Variants in LPAR3 observed in about 807,000 individuals in gnomAD.
LPAR3 encodes lysophosphatidic acid receptor 3, also known as LPA receptor 3.
In LPAR3, 7 loss-of-function variants were observed where a neutral mutation model predicts 17.8. That is an observed-to-expected ratio of 0.39 (90% CI 0.22 to 0.74). LPAR3 has a LOEUF of 0.74. LPAR3 is among the 30% of genes least tolerant of loss of function. LPAR3 has a pLI of 0.40. For synonymous variants in LPAR3, 179 were observed against 179.9 expected, an observed-to-expected ratio of 0.99 and a Z score of 0.04; for missense variants, 391 against 453.4, an observed-to-expected ratio of 0.86 and a Z score of 1.25.
chr1:84,886,282 C>T (rs1381143062), intron 1 of LPAR3, among the ~76,000 whole-genome samples: 2 of 152,098 alleles, frequency 1.3e-5, no homozygotes, highest in African/African-American at 4.8e-5. Flanking sequence ...ATCCCAGCAC[C>T]TGGGATGCCA....
chr1:84,891,718 G>A (rs1660555536), intron 1 of LPAR3, among the ~76,000 whole-genome samples: 1 of 152,198 alleles, frequency 6.6e-6, no homozygotes, highest in Non-Finnish European at 1.5e-5. Context: ...AATTTGTAAA[G>A]AGGAGATTGA....
rs74877104 is a variant in LPAR3, at chr1:84,824,871, C to A, written c.737-10700G>T. On this transcript the variant is annotated intron_variant, in intron 2 of 2. Transcript: ENST00000370611. ...ATCTGGCTGTCCTGCTAGACTGACA[C>A]CCTCAGGGGAGATCTCTTTTGTGCC... Among the ~76,000 whole-genome samples the A allele has an allele frequency of 6.2e-4, 95 of 152,336 alleles. 1 individual carries two copies. In the East Asian group the frequency reaches 0.016, roughly 26 times the overall value.
chr1:84,851,987 G>A (rs748774985), intron 2 of LPAR3, among the ~76,000 whole-genome samples: 12 of 152,088 alleles, frequency 7.9e-5, no homozygotes, highest in Non-Finnish European at 1.0e-4. Context: ...GCAACACACA[G>A]CAAGTCTTGG....
chr1:84,869,317 C>T (rs1660112447), intron 1 of LPAR3, among the ~76,000 whole-genome samples: 1 of 152,100 alleles, frequency 6.6e-6, no homozygotes, highest in Admixed American at 6.5e-5. Context: ...TTTTGTCTGA[C>T]AAAGTTGAGA....
At chr1:84,836,225 C>G (rs1025480427) in intron 2 of LPAR3, among the ~76,000 whole-genome samples, 1 of 150,822 alleles carries the variant, frequency 6.6e-6, no homozygotes, top group African/African-American at 2.4e-5. Flanking sequence ...GTAGTTCCAG[C>G]TACTCAGGAG....
chr1:84,824,413 C>T lies in LPAR3; in HGVS notation c.737-10242G>A, dbSNP rs145428254. On this transcript the variant is annotated intron_variant, in intron 2 of 2. Coordinates refer to ENST00000370611, the MANE Select transcript of LPAR3 (RefSeq NM_012152.3). ...TGGGCTCAGATATGACCTAGAATCT[C>T]TTGCAGCACAATGCTCCAAGCAGTC... 4.5e-3 allele frequency among the ~76,000 whole-genome samples: 684 copies of T among 152,276 alleles called. 21 individuals are homozygous for T. The highest frequency in any genetic ancestry group is 0.041 in the Admixed American group (627 of 15,294).
At chr1:84,855,090 T>C (rs1659792069) in intron 2 of LPAR3, among the ~76,000 whole-genome samples, 1 of 152,174 alleles carries the variant, frequency 6.6e-6, no homozygotes, top group South Asian at 2.1e-4. Context: ...CTTGGTTCCC[T>C]TACCCCTTAT....
intron 2 of LPAR3, among the ~76,000 whole-genome samples, chr1:84,847,425 C>T (rs12062882): frequency 0.042 from 6,328 of 152,176 alleles, 289 homozygotes; most frequent in African/African-American, 0.11. Context: ...GTGATGTTGA[C>T]ACAAAGCACC....
In LPAR3 at chr1:84,887,214, C is replaced by CAA. The variant is rs554500915; in HGVS notation, c.-19+5800_-19+5801dup. 1.6e-3 allele frequency among the ~76,000 whole-genome samples: 221 copies of CAA among 137,434 alleles called. 2 individuals carry two copies. The highest frequency in any genetic ancestry group is 3.6e-3 in the Middle Eastern group (1 of 274). The allele number at this position is 137,434 out of a possible 152,430, so 90.2% of individuals were successfully genotyped here. On this transcript the variant is annotated intron_variant, in intron 1 of 2. Transcript: ENST00000370611. ...ACCAACTCCATCTCTACAAAAAATA[C>CAA]AAAAAAAAAAAAATAAGCCAGGTGT...
chr1:84,858,026 AGAG>A (rs1659861092), intron 2 of LPAR3, among the ~76,000 whole-genome samples: 1 of 152,182 alleles, frequency 6.6e-6, no homozygotes, highest in African/African-American at 2.4e-5. Context: ...AGATCTGCAT[AGAG>A]TTGTTATGAG....
intron 2 of LPAR3, among the ~76,000 whole-genome samples, chr1:84,821,100 T>TA (rs1229373852): frequency 6.6e-6 from 1 of 150,598 alleles, no homozygotes; most frequent in African/African-American, 2.4e-5. Flanking sequence ...TTTTTTTTTT[T>TA]AAAGTTTGAA....
chr1:84,866,320 T>C (rs1238690776), intron 1 of LPAR3, among the ~76,000 whole-genome samples, 182 bp from the exon 2 acceptor site: 1 of 152,184 alleles, frequency 6.6e-6, no homozygotes, highest in African/African-American at 2.4e-5. Flanking sequence ...TACCACAGCA[T>C]TTAGCGCACA....
intron 2 of LPAR3, among the ~76,000 whole-genome samples, chr1:84,850,495 G>C (rs1659681993): frequency 6.6e-6 from 1 of 152,146 alleles, no homozygotes; most frequent in Admixed American, 6.5e-5. Flanking sequence ...GCTGAGGTGG[G>C]AGGATCGCTT....
intron 1 of LPAR3, among the ~76,000 whole-genome samples, chr1:84,867,408 G>C (rs1302263322): frequency 6.6e-6 from 1 of 152,120 alleles, no homozygotes; most frequent in East Asian, 1.9e-4. Context: ...CAGCCCTCTG[G>C]GAGCTGTGAC....
chr1:84,843,717 T>A (rs1406335575), intron 2 of LPAR3, among the ~76,000 whole-genome samples: 1 of 152,238 alleles, frequency 6.6e-6, no homozygotes, highest in Non-Finnish European at 1.5e-5. Flanking sequence ...TGCCCAAACA[T>A]GGCATTCTAT....
At chr1:84,833,147 C>T (rs929296009) in intron 2 of LPAR3, among the ~76,000 whole-genome samples, 2 of 152,166 alleles carry the variant, frequency 1.3e-5, no homozygotes, top group African/African-American at 4.8e-5. Context: ...TATACCATCT[C>T]TCTTAAACTG....
At chr1:84,892,189 G>T (rs1467353526) in intron 1 of LPAR3, among the ~76,000 whole-genome samples, 1 of 151,332 alleles carries the variant, frequency 6.6e-6, no homozygotes, top group Non-Finnish European at 1.5e-5. Context: ...CTCCAGCCCG[G>T]ATGATAGTGC....
At chr1:84,864,927 T>C (rs995090101) in intron 2 of LPAR3, among the ~76,000 whole-genome samples, 10 of 152,066 alleles carry the variant, frequency 6.6e-5, no homozygotes, top group African/African-American at 2.4e-4. Context: ...CATGCAGCCA[T>C]AGTGGCTTCC....
chr1:84,874,049 A>AAAGAG (rs1660208418), intron 1 of LPAR3, among the ~76,000 whole-genome samples: 1 of 152,152 alleles, frequency 6.6e-6, no homozygotes, highest in South Asian at 2.1e-4. Context: ...CATGGTGCCC[A>AAAGAG]GCCTCTTTAG....
Sources: allele counts gnomAD v4.1 joint callset (sites outside exome capture counted in the v4.1 genomes callset), GRCh38; gene constraint gnomAD v4.1.1; transcripts MANE v1.5; gene names NCBI Gene and HGNC (gene_info 2026-07-23, HGNC 2026-07-21).